Variants in LGR6 observed in about 807,000 individuals in gnomAD.
The protein encoded by LGR6 is leucine-rich repeat-containing G protein-coupled receptor 6.
A neutral mutation model predicts 69.4 loss-of-function variants in LGR6; 45 were observed. The ratio of observed to expected loss-of-function variants is 0.65; its 90% confidence interval spans 0.51 to 0.83. The LOEUF is 0.83. LGR6 is among the 40% of genes least tolerant of loss of function. LGR6 has a pLI of 0.00. For missense variants in LGR6, 1,108 were observed against 1,246.7 expected, an observed-to-expected ratio of 0.89 and a Z score of 1.68; for synonymous variants, 538 against 555.0, an observed-to-expected ratio of 0.97 and a Z score of 0.43.
In LGR6 at chr1:202,310,329, C is replaced by T. The variant is rs1653620777; in HGVS notation, c.1539C>T (p.Gly513=). The change falls in exon 16 of 18, where the codon GGC becomes GGT. Residue 513 remains glycine, a synonymous_variant. Transcript: ENST00000367278. ...DDEESSKRPL[G]LLARQAENHY... ...AGGAGTCTTCAAAAAGGCCCCTGGG[C>T]CTCCTTGCCAGACAAGCAGAGAACC... 1 of 1,613,744 alleles carries T rather than the reference C, an allele frequency of 6.2e-7. No homozygotes were observed. The highest frequency in any genetic ancestry group is 1.3e-5 in the African/African-American group (1 of 74,842).
At position 202,318,676 on chromosome 1, in the gene LGR6, C is replaced by T; in HGVS notation, c.2373C>T (p.Phe791=). Residue 791 remains phenylalanine, a synonymous_variant, in exon 18 of 18, where the codon TTC becomes TTT. Transcript: ENST00000367278. ...GGCTCCTCTACTGTCCCGTGGCCTT[C>T]CTCAGCTTTGCCTCCATGCTGGGCC... ...ADGLLYCPVA[F]LSFASMLGLF... 1.2e-6 allele frequency: 2 copies of T among 1,613,796 alleles called. No individual in the cohort carries two copies. The highest frequency in any genetic ancestry group is 2.2e-5 in the South Asian group (2 of 91,082).
At chr1:202,300,943 T>C in intron 8 of LGR6, 23 bp downstream of exon 8, 5 of 1,588,012 alleles carry the variant, frequency 3.1e-6, no homozygotes, top group Non-Finnish European at 4.3e-6. Context: ...TTCTCTGGTC[T>C]CTTAATGCCG....
At chr1:202,249,530 C>G (rs555139939) in intron 4 of LGR6, among the ~76,000 whole-genome samples, 53 of 152,292 alleles carry the variant, frequency 3.5e-4, no homozygotes, top group African/African-American at 1.1e-3. Flanking sequence ...AATGAACGGC[C>G]TATTGGAATC....
chr1:202,227,276 A>C (rs1277456981), intron 2 of LGR6, among the ~76,000 whole-genome samples: 1 of 152,240 alleles, frequency 6.6e-6, no homozygotes, highest in East Asian at 1.9e-4. Context: ...TTTGGAGATC[A>C]GGCAGTGACT....
chr1:202,307,081 GCA>G (rs1487185971), intron 13 of LGR6, 142 bp downstream of exon 13: 107 of 761,642 alleles, frequency 1.4e-4, no homozygotes, highest in Middle Eastern at 7.8e-4. Flanking sequence ...CCCACCCCCA[GCA>G]CACACACACA....
At chr1:202,203,936 T>C in intron 1 of LGR6, 1 of 1,178,982 alleles carries the variant, frequency 8.5e-7, no homozygotes, top group South Asian at 1.2e-5. Flanking sequence ...GGGGGTGCGA[T>C]TTTATTTCCT....
intron 6 of LGR6, among the ~76,000 whole-genome samples, chr1:202,286,893 G>A (rs975614635): frequency 6.6e-6 from 1 of 152,138 alleles, no homozygotes; most frequent in African/African-American, 2.4e-5. Flanking sequence ...CTGGTGTGGG[G>A]GGTAGCCAAG....
chr1:202,210,477 TGAGA>T (rs1211647932), intron 1 of LGR6, among the ~76,000 whole-genome samples: 1 of 150,644 alleles, frequency 6.6e-6, no homozygotes, highest in Non-Finnish European at 1.5e-5. Context: ...TGGACCTATT[TGAGA>T]GAGAGGGAGG....
Position 202,309,111 on chromosome 1 carries a change from T to A in LGR6, c.1341T>A (p.His447Gln). 1 of 1,614,138 alleles carries A rather than the reference T, an allele frequency of 6.2e-7. No homozygotes were observed. The highest frequency in any genetic ancestry group is 2.2e-5 in the East Asian group (1 of 44,876). ...TGGCTGGACTTGGGGGCTTGATGCATCTGAAGCTCAAAGGGAACCTTGCTC... is the reference window on the plus strand; with the variant it reads ...TGGCTGGACTTGGGGGCTTGATGCAACTGAAGCTCAAAGGGAACCTTGCTC... ...LPLAGLGGLM[H>Q]LKLKGNLALS... The change falls in exon 15 of 18, where the codon CAT becomes CAA. Residue 447 changes from histidine (H) to glutamine (Q), a missense_variant. Coordinates refer to ENST00000367278, the MANE Select transcript of LGR6 (RefSeq NM_001017403.2).
chr1:202,282,944 G>T (rs1242784558), intron 6 of LGR6, among the ~76,000 whole-genome samples: 2 of 152,212 alleles, frequency 1.3e-5, no homozygotes, highest in South Asian at 4.1e-4. Flanking sequence ...GAGCCTGGTG[G>T]CAAAGCCCTT....
At chr1:202,285,068 A>G (rs1459179069) in intron 6 of LGR6, among the ~76,000 whole-genome samples, 1 of 152,218 alleles carries the variant, frequency 6.6e-6, no homozygotes, top group African/African-American at 2.4e-5. Context: ...GGAAGAGGGC[A>G]AAGAAGAAAT....
intron 4 of LGR6, among the ~76,000 whole-genome samples, chr1:202,255,060 C>T (rs1281963615): frequency 2.0e-5 from 3 of 152,210 alleles, no homozygotes; most frequent in African/African-American, 7.2e-5. Context: ...ACACAGCTTC[C>T]TGTGCTTGTA....
chr1:202,218,263 G>A (rs1220368393), intron 1 of LGR6, among the ~76,000 whole-genome samples: 1 of 151,908 alleles, frequency 6.6e-6, no homozygotes, highest in Non-Finnish European at 1.5e-5. Context: ...CTGCTATTCA[G>A]GGGGTGTTTG....
chr1:202,247,319 C>G (rs1396887071), intron 4 of LGR6, among the ~76,000 whole-genome samples: 1 of 152,214 alleles, frequency 6.6e-6, no homozygotes, highest in Non-Finnish European at 1.5e-5. Context: ...ATCCCTCCAC[C>G]CCCCAGGGGA....
chr1:202,221,312 C>T (rs1660139577), intron 1 of LGR6, among the ~76,000 whole-genome samples: 1 of 152,200 alleles, frequency 6.6e-6, no homozygotes, highest in South Asian at 2.1e-4. Context: ...AGCATCCTCC[C>T]TCTTATCAAA....
intron 17 of LGR6, among the ~76,000 whole-genome samples, chr1:202,315,132 A>T (rs1299032250): frequency 6.6e-6 from 1 of 152,224 alleles, no homozygotes; most frequent in Admixed American, 6.5e-5. Context: ...GCATTTATGC[A>T]TCCAGGATAA....
Position 202,318,994 on chromosome 1 carries a change from C to T in LGR6, c.2691C>T (p.Pro897=), listed in dbSNP as rs1330584877. The change falls in exon 18 of 18, where the codon CCC becomes CCT. Residue 897 remains proline, a synonymous_variant. Transcript: ENST00000367278. ...CTGGGCTGGAGACCTATGGCTTCCCCTCAGTGACCCTCATCTCCTGTCAGC... is the reference window on the plus strand; with the variant it reads ...CTGGGCTGGAGACCTATGGCTTCCCTTCAGTGACCCTCATCTCCTGTCAGC... ...RPPGLETYGF[P]SVTLISCQQP... 1 of 1,613,836 alleles carries T rather than the reference C, an allele frequency of 6.2e-7. No homozygotes were observed. The highest frequency in any genetic ancestry group is 8.5e-7 in the Non-Finnish European group (1 of 1,179,828).
At chr1:202,214,990 GGT>G (rs3221675) in intron 1 of LGR6, among the ~76,000 whole-genome samples, 13,547 of 145,474 alleles carry the variant, frequency 0.093, 684 homozygotes, top group Non-Finnish European at 0.12. Flanking sequence ...GGTGCACCTG[GGT>G]GTGTGTGTGT....
At chr1:202,257,110 T>A (rs573731765) in intron 4 of LGR6, among the ~76,000 whole-genome samples, 74 of 152,338 alleles carry the variant, frequency 4.9e-4, no homozygotes, top group African/African-American at 1.7e-3. Flanking sequence ...AAGACATAAG[T>A]CCCTTATCAG....
Sources: allele counts gnomAD v4.1 joint callset (sites outside exome capture counted in the v4.1 genomes callset), GRCh38; gene constraint gnomAD v4.1.1; transcripts MANE v1.5; gene names NCBI Gene and HGNC (gene_info 2026-07-23, HGNC 2026-07-21).